The following SRFBP1 variants were observed in gnomAD, a reference collection of about 807,000 sequenced individuals.
SRFBP1 encodes serum response factor-binding protein 1.
In SRFBP1, 47 loss-of-function variants were observed where a neutral mutation model predicts 45.5. The observed-to-expected ratio is 1.03, with a 90% CI of 0.82 to 1.32. SRFBP1 has a LOEUF of 1.32. Among genes scored for constraint, SRFBP1 ranks in the 40% most tolerant of loss-of-function variants. SRFBP1 has a pLI of 0.00. For synonymous variants in SRFBP1, 203 were observed against 166.3 expected (o/e 1.22, Z -1.70); for missense variants, 621 against 484.6 (o/e 1.28, Z -2.64).
chr5:122,022,878 A>G (rs985935058), intron 7 of SRFBP1, among the ~76,000 whole-genome samples: 2 of 152,244 alleles, frequency 1.3e-5, no homozygotes, highest in African/African-American at 4.8e-5. Flanking sequence ...CTAACTTAAC[A>G]TAGCAAAAAT....
rs1277630576 is a variant in SRFBP1, at chr5:122,022,375, T to A, written c.1073T>A (p.Phe358Tyr). 1 of 1,610,916 alleles carries A rather than the reference T, an allele frequency of 6.2e-7. No individual in the cohort carries two copies. Among genetic ancestry groups the A allele is most frequent in the South Asian group, 1.1e-5 (1 of 90,280 alleles). The change falls in exon 7 of 8, where the codon TTC (phenylalanine) becomes TAC (tyrosine). Residue 358 changes from phenylalanine (F) to tyrosine (Y), a missense_variant. Phe to Tyr is a conservative substitution (Grantham distance 22). Transcript: ENST00000339397. ...TGGTGTTTTTCTTCTTTTAGAAATT[T>A]CAAAGAACAGGCTCCAAAAACAAGA... ...LSGSKSSRRNFKEQAPKTRSL... is the reference protein window; with the variant it reads ...LSGSKSSRRNYKEQAPKTRSL...
intron 2 of SRFBP1, among the ~76,000 whole-genome samples, chr5:122,052,187 T>C (rs1295496283): frequency 2.6e-5 from 4 of 152,198 alleles, no homozygotes; most frequent in Non-Finnish European, 1.5e-5. Context: ...ACATTTTTTC[T>C]TTCATTTGGA....
chr5:121,975,329 C>T lies in SRFBP1; in HGVS notation c.140C>T (p.Ala47Val), dbSNP rs1218628047. The change falls in exon 3 of 8, where the codon GCA (alanine) becomes GTA (valine). Residue 47 changes from alanine (A) to valine (V), a missense_variant. By Grantham distance (64) the Ala-to-Val change is moderately conservative. Transcript: ENST00000339397. The part of the protein sequence containing the change: ...RLKSKKGTED[A>V]LLKNQRRAQR... ...ATTTTTTGCAGGGGTACTGAAGATG[C>T]ACTGTTAAAAAACCAAAGACGGGCG... 6.2e-7 allele frequency: 1 copy of T among 1,613,074 alleles called. No homozygotes were observed. Among genetic ancestry groups the T allele is most frequent in the Admixed American group, 1.7e-5 (1 of 59,970 alleles).
chr5:121,964,998 GA>G lies in SRFBP1; in HGVS notation c.36+2932del, dbSNP rs1227744860. On this transcript the variant is annotated intron_variant, in intron 1 of 7. Transcript: ENST00000339397. ...TGGCTGCATAAATGACTTCTTTTGA[GA>G]AGTGTCTGTTCATGTCCTTCGCCCA... Among the ~76,000 whole-genome samples the G allele has an allele frequency of 9.8e-5, 15 of 152,302 alleles. No homozygotes were observed. In the South Asian group the frequency reaches 3.1e-3, roughly 32 times the overall value.
chr5:121,999,481 T>A (rs1752808463), intron 4 of SRFBP1, among the ~76,000 whole-genome samples: 1 of 152,134 alleles, frequency 6.6e-6, no homozygotes, highest in Non-Finnish European at 1.5e-5. Flanking sequence ...GTTGATGGTA[T>A]TCAGATTATC....
chr5:122,056,716 C>G (rs1236188379), intron 2 of SRFBP1, among the ~76,000 whole-genome samples: 1 of 152,088 alleles, frequency 6.6e-6, no homozygotes, highest in African/African-American at 2.4e-5. Flanking sequence ...TCTTGTTAGA[C>G]TTGTAGCTGT....
chr5:122,013,384 A>G (rs1165136773), intron 4 of SRFBP1, among the ~76,000 whole-genome samples: 1 of 152,122 alleles, frequency 6.6e-6, no homozygotes, highest in Non-Finnish European at 1.5e-5. Context: ...CCATAAAATT[A>G]CGGTACAAAG....
At chr5:122,010,279 G>C (rs1753064489) in intron 4 of SRFBP1, among the ~76,000 whole-genome samples, 1 of 151,828 alleles carries the variant, frequency 6.6e-6, no homozygotes, top group South Asian at 2.1e-4. Context: ...TTTCCTTTTT[G>C]TTCTTGTTGT....
At chr5:122,035,570 T>C (rs1034233412) in intron 2 of SRFBP1, among the ~76,000 whole-genome samples, 1 of 152,196 alleles carries the variant, frequency 6.6e-6, no homozygotes, top group African/African-American at 2.4e-5. Context: ...CACATCTCTT[T>C]GTTGGATTCA....
intron 3 of SRFBP1, among the ~76,000 whole-genome samples, chr5:121,976,739 GTATA>G (rs764405171): frequency 6.8e-6 from 1 of 148,054 alleles, no homozygotes. Context: ...GTGTATGCAT[GTATA>G]TATATATATA....
intron 2 of SRFBP1, among the ~76,000 whole-genome samples, chr5:122,043,255 G>A (rs916720498): frequency 3.3e-5 from 5 of 150,384 alleles, no homozygotes; most frequent in East Asian, 2.0e-4. Context: ...TCCCTCTGTC[G>A]CCCAAGCTGG....
rs148673107 is a variant in SRFBP1 at position 122,039,617 on chromosome 5, G to A, written n.311+17210G>A. Among the ~76,000 whole-genome samples the A allele has an allele frequency of 1.6e-4, 25 of 152,220 alleles. No homozygotes were observed. In the East Asian group the frequency reaches 3.7e-3, roughly 22 times the overall value. On this transcript the variant is annotated intron_variant and non_coding_transcript_variant, in intron 2 of 2. Coordinates refer to the SRFBP1 transcript ENST00000504881. ...TTCTTCCATTATATCCCAGACAGAC[G>A]TTGATATACTGGGCAATTTTCAAGA...
At chr5:122,064,231 A>G (rs1754240766) in intron 2 of SRFBP1, 1 of 151,914 alleles carries the variant, frequency 6.6e-6, no homozygotes, top group African/African-American at 2.4e-5. Flanking sequence ...GGTCTGTGTT[A>G]TTTTATTAAT....
At chr5:122,042,590 A>G (rs1227583865) in intron 2 of SRFBP1, among the ~76,000 whole-genome samples, 1 of 151,970 alleles carries the variant, frequency 6.6e-6, no homozygotes, top group Non-Finnish European at 1.5e-5. Context: ...AGTTTGAACT[A>G]TTTTGCCCTT....
intron 4 of SRFBP1, among the ~76,000 whole-genome samples, chr5:122,003,266 G>T (rs1255487816): frequency 6.6e-6 from 1 of 151,432 alleles, no homozygotes; most frequent in African/African-American, 2.4e-5. Context: ...AACCACATGA[G>T]CCTGGAAGGT....
chr5:121,995,909 C>G (rs1421651312), intron 4 of SRFBP1, among the ~76,000 whole-genome samples: 1 of 152,148 alleles, frequency 6.6e-6, no homozygotes, highest in East Asian at 1.9e-4. Context: ...ATTAGAAAAT[C>G]TAGAAGAAAT....
chr5:121,993,327 A>T lies in SRFBP1; in HGVS notation c.199-1272A>T, dbSNP rs1048796778. Among the ~76,000 whole-genome samples, 18 of 152,226 alleles carry T rather than the reference A, an allele frequency of 1.2e-4. 1 individual carries two copies. Among genetic ancestry groups the T allele is most frequent in the African/African-American group, 3.8e-4 (16 of 41,568 alleles). ...TTATAATAACACTCAGCTCATATAA[A>T]TCATGCTTCATTTTAAAACCTGTGT... is the stretch of plus-strand genomic sequence containing the variant. On this transcript the variant is annotated intron_variant, in intron 3 of 7. Coordinates refer to ENST00000339397, the MANE Select transcript of SRFBP1 (RefSeq NM_152546.3).
chr5:121,972,616 A>G (rs1042407291), intron 1 of SRFBP1, among the ~76,000 whole-genome samples: 7 of 151,912 alleles, frequency 4.6e-5, no homozygotes, highest in Admixed American at 1.3e-4. Flanking sequence ...AGTTTAAGAA[A>G]TTGGCAGATG....
At chr5:122,018,670 G>A (rs1753234733) in intron 4 of SRFBP1, among the ~76,000 whole-genome samples, 1 of 152,086 alleles carries the variant, frequency 6.6e-6, no homozygotes, top group Admixed American at 6.6e-5. Context: ...GCCTTCATAC[G>A]GCATTTCAAG....
Sources: allele counts gnomAD v4.1 joint callset (sites outside exome capture counted in the v4.1 genomes callset), GRCh38; gene constraint gnomAD v4.1.1; transcripts MANE v1.5; gene names NCBI Gene and HGNC (gene_info 2026-07-23, HGNC 2026-07-21).